Variants in SP7 observed in about 807,000 individuals in gnomAD.
SP7 encodes transcription factor Sp7.
A neutral mutation model predicts 27.9 loss-of-function variants in SP7; 13 were observed. That is an observed-to-expected ratio of 0.47 (90% CI 0.30 to 0.74). The LOEUF (loss-of-function observed/expected upper bound fraction) is 0.74, where lower values mean the gene tolerates loss of function less well. Ranked by LOEUF, SP7 falls within the 30% of genes least tolerant of loss-of-function variation. SP7 has a pLI of 0.06. For missense variants in SP7, 525 were observed against 558.0 expected, an observed-to-expected ratio of 0.94 and a Z score of 0.60; for synonymous variants, 219 against 226.7, an observed-to-expected ratio of 0.97 and a Z score of 0.31.
chr12:53,343,397 A>G (rs1944839462), intron 1 of SP7, among the ~76,000 whole-genome samples: 2 of 152,266 alleles, frequency 1.3e-5, no homozygotes, highest in South Asian at 4.1e-4. Context: ...TATTAGAGAA[A>G]TGACTGACTT....
At chr12:53,343,229 G>A (rs1238140559) in intron 1 of SP7, among the ~76,000 whole-genome samples, 8 of 152,024 alleles carry the variant, frequency 5.3e-5, no homozygotes, top group African/African-American at 1.9e-4. Context: ...AGGGGGAAGA[G>A]TATATGCAAA....
At position 53,329,222 on chromosome 12, in the gene SP7, G is replaced by T. The variant is rs1056225743; in HGVS notation, c.220C>A (p.Leu74Ile). ...GGAGGACTGCCTGCAGGTGAAAGGA[G>T]CCCATTAGTGCTTGTAAAGGGGGCT... ...YPAPFTSTNG[L>I]LSPAGSPPAP... The change falls in exon 3 of 3, where the codon CTC becomes ATC. Residue 74 changes from leucine (L) to isoleucine (I), a missense_variant. By Grantham distance (5) the Leu-to-Ile change is conservative. Transcript: ENST00000536324. 6.2e-7 allele frequency: 1 copy of T among 1,613,774 alleles called. No individual in the cohort carries two copies. Among genetic ancestry groups the T allele is most frequent in the Non-Finnish European group, 8.5e-7 (1 of 1,179,874 alleles).
intron 2 of SP7, among the ~76,000 whole-genome samples, chr12:53,333,363 CAG>C (rs1184672923): frequency 6.6e-6 from 1 of 152,100 alleles, no homozygotes; most frequent in Non-Finnish European, 1.5e-5. Context: ...ACAAGACAAA[CAG>C]AATTAAAGTA....
chr12:53,339,181 G>T (rs1043806862), upstream of SP7, among the ~76,000 whole-genome samples: 2 of 152,132 alleles, frequency 1.3e-5, no homozygotes, highest in Non-Finnish European at 2.9e-5. Flanking sequence ...CTCAGCCTCC[G>T]CCCATGGCCA....
chr12:53,330,646 AG>A (rs1944693795), intron 2 of SP7, among the ~76,000 whole-genome samples: 1 of 152,220 alleles, frequency 6.6e-6, no homozygotes, highest in African/African-American at 2.4e-5. Flanking sequence ...TGGAGAGGAA[AG>A]ATGAGGCTCA....
intron 1 of SP7, among the ~76,000 whole-genome samples, chr12:53,343,538 C>T (rs1185313103): frequency 6.6e-6 from 1 of 152,154 alleles, no homozygotes; most frequent in African/African-American, 2.4e-5. Context: ...AAAGGGGCAA[C>T]TTAATATGGT....
In SP7 at chr12:53,327,385, C is replaced by T. The variant is rs1317660247; in HGVS notation, c.*761G>A. 1.3e-5 allele frequency: 2 copies of T among 152,498 alleles called. No individual in the cohort carries two copies. The highest frequency in any genetic ancestry group is 2.9e-5 in the Non-Finnish European group (2 of 68,032). 9.4% of individuals were successfully genotyped at this position (152,498 alleles called of 1,614,324 possible). A position where few individuals can be genotyped will look rare whatever the true frequency, so the allele number is the denominator to read the frequency against. On this transcript the variant is annotated 3_prime_UTR_variant, in exon 3 of 3. Transcript: ENST00000536324. Reference sequence around the variant, plus strand: ...CTTCTCCACTAACATTTTGTCTATACAGAGATGCATTTGACTAGAATTTCC... The same window carrying T: ...CTTCTCCACTAACATTTTGTCTATATAGAGATGCATTTGACTAGAATTTCC...
At position 53,328,768 on chromosome 12, in the gene SP7, G is replaced by A; in HGVS notation, c.674C>T (p.Pro225Leu). Residue 225 changes from proline to leucine, a missense_variant, in exon 3 of 3, where the codon CCC (proline) becomes CTC (leucine). Physicochemically the swap from Pro to Leu is moderately conservative, Grantham distance 98. Coordinates refer to ENST00000536324, the MANE Select transcript of SP7 (RefSeq NM_001173467.3). The surrounding 1 kb of genome is among the most constrained non-coding windows in gnomAD (Gnocchi z 5.1). Reference protein sequence around the residue: ...LLQPGPQHVLPQDVYKPKAVG... With the variant: ...LLQPGPQHVLLQDVYKPKAVG... Reference sequence around the variant, plus strand: ...TGCCTTGGGTTTATAGACATCTTGGGGCAAGACATGCTGGGGCCCTGGTTG... The same window carrying A: ...TGCCTTGGGTTTATAGACATCTTGGAGCAAGACATGCTGGGGCCCTGGTTG... The A allele has an allele frequency of 6.2e-7, 1 of 1,602,246 alleles. No homozygotes were observed. The highest frequency in any genetic ancestry group is 8.5e-7 in the Non-Finnish European group (1 of 1,171,306).
At chr12:53,335,493 T>C in intron 2 of SP7, 133 bp downstream of exon 2, 1 of 717,032 alleles carries the variant, frequency 1.4e-6, no homozygotes, top group Non-Finnish European at 2.6e-6. Context: ...CACTCCTCTC[T>C]CCTCATCAGA....
chr12:53,340,073 T>A (rs1469407792), upstream of SP7, among the ~76,000 whole-genome samples: 1 of 152,088 alleles, frequency 6.6e-6, no homozygotes, highest in Non-Finnish European at 1.5e-5. Context: ...TATGCAGGCA[T>A]CCATATTGAC....
upstream of SP7, among the ~76,000 whole-genome samples, chr12:53,338,409 C>T (rs1037002262): frequency 2.0e-5 from 3 of 152,030 alleles, no homozygotes; most frequent in Non-Finnish European, 2.9e-5. Flanking sequence ...CCAGTTAGAT[C>T]AGGCAGGAAA....
upstream of SP7, among the ~76,000 whole-genome samples, chr12:53,340,500 G>A (rs1944813793): frequency 6.6e-6 from 1 of 152,124 alleles, no homozygotes; most frequent in Non-Finnish European, 1.5e-5. Context: ...CAGAGACCCA[G>A]ATGGCCCCAG....
upstream of SP7, among the ~76,000 whole-genome samples, chr12:53,337,350 G>A (rs1944781964): frequency 2.6e-5 from 4 of 152,324 alleles, no homozygotes; most frequent in South Asian, 8.3e-4. Flanking sequence ...AGAAGGAAGG[G>A]CAGCCAGGTT....
upstream of SP7, among the ~76,000 whole-genome samples, chr12:53,337,629 C>A (rs542161623): frequency 6.6e-6 from 1 of 152,340 alleles, no homozygotes; most frequent in South Asian, 2.1e-4. Flanking sequence ...CAATTCCTTG[C>A]TCCTTTTGCT....
Position 53,329,210 on chromosome 12 carries a change from C to T in SP7, c.232G>A (p.Ala78Thr). Residue 78 changes from alanine (A) to threonine (T), a missense_variant, in exon 3 of 3, where the codon GCA becomes ACA. Physicochemically the swap from Ala to Thr is moderately conservative, Grantham distance 58 (BLOSUM62 0). Transcript: ENST00000536324. The part of the protein sequence containing the change: ...FTSTNGLLSP[A>T]GSPPAPTSGY... ...GAGGTGGGTGCTGGAGGACTGCCTG[C>T]AGGTGAAAGGAGCCCATTAGTGCTT... 6.2e-7 allele frequency: 1 copy of T among 1,613,752 alleles called. No individual in the cohort carries two copies. Among genetic ancestry groups the T allele is most frequent in the Non-Finnish European group, 8.5e-7 (1 of 1,179,860 alleles).
intron 2 of SP7, 116 bp downstream of exon 2, chr12:53,335,510 C>T (rs1254894878): frequency 1.1e-5 from 8 of 723,402 alleles, no homozygotes; most frequent in East Asian, 2.7e-5. Flanking sequence ...CAGAAGGACC[C>T]CTGGAATTGA....
At chr12:53,340,561 C>A (rs746008377), upstream of SP7, among the ~76,000 whole-genome samples, 5 of 152,178 alleles carry the variant, frequency 3.3e-5, no homozygotes, top group Non-Finnish European at 7.3e-5. Context: ...CACCCAGGCC[C>A]CCGCTGCTCT....
chr12:53,330,386 G>A (rs1220074044), intron 2 of SP7, among the ~76,000 whole-genome samples: 1 of 152,142 alleles, frequency 6.6e-6, no homozygotes, highest in Non-Finnish European at 1.5e-5. Context: ...GTCTCACTCT[G>A]TCTCCCAAGC....
At position 53,328,656 on chromosome 12, in the gene SP7, GCCCCCATAT is replaced by G; in HGVS notation, c.777_785del (p.Tyr260_Gly262del). On this transcript the variant is annotated inframe_deletion, in exon 3 of 3. Coordinates refer to ENST00000536324, the MANE Select transcript of SP7 (RefSeq NM_001173467.3). The surrounding 1 kb of genome is among the most constrained non-coding windows in gnomAD (Gnocchi z 5.1). The stretch of plus-strand genomic sequence containing the variant: ...CGCAGGAGGAGCGCCCTGCCCCACT[GCCCCCATAT>G]CCACCACTACCCCCAGTGCTTGCAC... 1 of 1,610,044 alleles carries G rather than the reference GCCCCCATAT, an allele frequency of 6.2e-7. No individual in the cohort carries two copies. Among genetic ancestry groups the G allele is most frequent in the Non-Finnish European group, 8.5e-7 (1 of 1,177,072 alleles).
Sources: gnomAD v4.1 joint callset for allele counts (sites outside exome capture counted in the v4.1 genomes callset) on GRCh38, gnomAD v4.1.1 for gene constraint, Gnocchi (gnomAD v3.1) non-coding constraint, MANE v1.5 for transcripts, NCBI Gene and HGNC (gene_info 2026-07-23, HGNC 2026-07-21) for gene names.